Variants in BTRC observed in about 807,000 individuals in gnomAD.
BTRC encodes F-box/WD repeat-containing protein 1A.
A neutral mutation model predicts 85.5 loss-of-function variants in BTRC; 42 were observed. That is an observed-to-expected ratio of 0.49 (90% CI 0.38 to 0.64). BTRC has a LOEUF of 0.64. BTRC is among the 30% of genes least tolerant of loss of function. BTRC has a pLI of 0.00. For synonymous variants in BTRC, 255 were observed against 263.3 expected (o/e 0.97, Z 0.30); for missense variants, 594 against 743.5 (o/e 0.80, Z 2.34).
intron 1 of BTRC, among the ~76,000 whole-genome samples, chr10:101,419,318 C>T (rs1235270533): frequency 6.6e-6 from 1 of 152,082 alleles, no homozygotes; most frequent in Non-Finnish European, 1.5e-5. Flanking sequence ...GCCAGTACCT[C>T]ACAGTTTCTT....
intron 11 of BTRC, among the ~76,000 whole-genome samples, chr10:101,535,712 A>T (rs1217720331): frequency 6.6e-6 from 1 of 152,248 alleles, no homozygotes. Context: ...AACAGCTAAC[A>T]GCCTTTTCTT....
intron 4 of BTRC, among the ~76,000 whole-genome samples, chr10:101,500,386 A>G (rs1946372771): frequency 6.6e-6 from 1 of 152,210 alleles, no homozygotes. Context: ...GTAGTTGTAT[A>G]TGCAGTTATT....
At chr10:101,468,842 T>C (rs1302704101) in intron 3 of BTRC, among the ~76,000 whole-genome samples, 1 of 152,218 alleles carries the variant, frequency 6.6e-6, no homozygotes, top group South Asian at 2.1e-4. Context: ...TCCCTTTTAG[T>C]GTGTTATATG....
chr10:101,424,447 T>C (rs1944195054), intron 1 of BTRC, among the ~76,000 whole-genome samples: 1 of 152,346 alleles, frequency 6.6e-6, no homozygotes, highest in Admixed American at 6.5e-5. Flanking sequence ...TTAGTTGATA[T>C]AGTAGTGAAA....
At chr10:101,473,446 A>G (rs915801746) in intron 3 of BTRC, among the ~76,000 whole-genome samples, 1 of 146,034 alleles carries the variant, frequency 6.8e-6, no homozygotes. Context: ...ACTATACCCA[A>G]CTAATTTTTC....
chr10:101,396,030 A>G (rs1943353497), intron 1 of BTRC, among the ~76,000 whole-genome samples: 1 of 151,974 alleles, frequency 6.6e-6, no homozygotes, highest in African/African-American at 2.4e-5. Context: ...GGTTTTTAAT[A>G]TATCTTTGTA....
chr10:101,361,589 A>T (rs762871853), intron 1 of BTRC, among the ~76,000 whole-genome samples: 2 of 152,198 alleles, frequency 1.3e-5, no homozygotes, highest in East Asian at 3.9e-4. Flanking sequence ...AGAAATCTCT[A>T]TGGGAAGGGT....
At chr10:101,487,333 C>T (rs1244797104) in intron 4 of BTRC, among the ~76,000 whole-genome samples, 13 of 152,170 alleles carry the variant, frequency 8.5e-5, no homozygotes, top group Admixed American at 8.5e-4. Flanking sequence ...ATATGAAGAA[C>T]AGGATTTTTC....
At chr10:101,456,229 G>A (rs971429686) in intron 2 of BTRC, among the ~76,000 whole-genome samples, 1 of 152,016 alleles carries the variant, frequency 6.6e-6, no homozygotes, top group Non-Finnish European at 1.5e-5. Context: ...TTTGGATTTA[G>A]GCAAGGATGT....
intron 1 of BTRC, among the ~76,000 whole-genome samples, chr10:101,387,007 C>T (rs1472477036): frequency 6.6e-6 from 1 of 152,068 alleles, no homozygotes; most frequent in Non-Finnish European, 1.5e-5. Context: ...TTACAATGGC[C>T]CCCAGCATCA....
chr10:101,451,088 T>G (rs545157430), intron 2 of BTRC, among the ~76,000 whole-genome samples: 12 of 152,192 alleles, frequency 7.9e-5, no homozygotes, highest in Non-Finnish European at 1.6e-4. Flanking sequence ...AAAGGGAATG[T>G]TTGTTAGACT....
At chr10:101,515,234 G>T (rs909218855) in intron 4 of BTRC, among the ~76,000 whole-genome samples, 2 of 152,160 alleles carry the variant, frequency 1.3e-5, no homozygotes, top group African/African-American at 4.8e-5. Context: ...GGGATTACAG[G>T]TGTGAGCCAC....
intron 2 of BTRC, among the ~76,000 whole-genome samples, chr10:101,445,011 G>C (rs1252137064): frequency 6.6e-6 from 1 of 152,156 alleles, no homozygotes; most frequent in Admixed American, 6.5e-5. Flanking sequence ...GGGCAGGAGG[G>C]TAACTAAATT....
At chr10:101,424,133 C>T (rs1944183294) in intron 1 of BTRC, among the ~76,000 whole-genome samples, 1 of 152,016 alleles carries the variant, frequency 6.6e-6, no homozygotes, top group Admixed American at 6.6e-5. Context: ...ACTCAGGAGG[C>T]TTAGTCAGGA....
rs773452364 is a variant in BTRC at position 101,531,251 on chromosome 10, T to C, written c.758T>C (p.Phe253Ser). The stretch of plus-strand genomic sequence containing the variant: ...TTATTTTTTAGGGGACAGTATTTAT[T>C]CAAAAACAAACCTCCTGACGGGAAT... ...AERRGWGQYLFKNKPPDGNAP... is the reference protein window; with the variant it reads ...AERRGWGQYLSKNKPPDGNAP... The change falls in exon 7 of 15, where the codon TTC (phenylalanine) becomes TCC (serine). Residue 253 changes from phenylalanine to serine, a missense_variant. By Grantham distance (155) the Phe-to-Ser change is radical. Transcript: ENST00000370187. 1.2e-6 allele frequency: 2 copies of C among 1,604,250 alleles called. No individual in the cohort carries two copies. Among genetic ancestry groups the C allele is most frequent in the Non-Finnish European group, 1.7e-6 (2 of 1,171,386 alleles).
intron 2 of BTRC, among the ~76,000 whole-genome samples, chr10:101,433,261 T>C (rs1237325341): frequency 2.6e-5 from 4 of 152,212 alleles, no homozygotes; most frequent in African/African-American, 9.7e-5. Context: ...AGATGTTTAT[T>C]ATATTTCTAT....
intron 1 of BTRC, among the ~76,000 whole-genome samples, chr10:101,379,915 A>G (rs1942886689): frequency 6.6e-6 from 1 of 152,222 alleles, no homozygotes; most frequent in Non-Finnish European, 1.5e-5. Context: ...CCCTTTTTAT[A>G]AGAGTTCATA....
chr10:101,488,893 A>T (rs746310803), intron 4 of BTRC, among the ~76,000 whole-genome samples: 3 of 152,144 alleles, frequency 2.0e-5, no homozygotes, highest in African/African-American at 4.8e-5. Flanking sequence ...ATCTTTTCTC[A>T]TAGGACTTTT....
At chr10:101,533,998 A>C (rs994857257) in intron 9 of BTRC, among the ~76,000 whole-genome samples, 3 of 152,238 alleles carry the variant, frequency 2.0e-5, no homozygotes, top group Admixed American at 6.5e-5. Flanking sequence ...CTAAACTGGA[A>C]AAAAGGAAAT....
Sources: allele counts gnomAD v4.1 joint callset (sites outside exome capture counted in the v4.1 genomes callset), GRCh38; gene constraint gnomAD v4.1.1; transcripts MANE v1.5; gene names NCBI Gene and HGNC (gene_info 2026-07-23, HGNC 2026-07-21).